The following UBE2E3 variants were observed in gnomAD, a reference collection of about 807,000 sequenced individuals.
UBE2E3 encodes the protein ubiquitin conjugating enzyme E2 E3.
A neutral mutation model predicts 23.6 loss-of-function variants in UBE2E3; 5 were observed. That is an observed-to-expected ratio of 0.21 (90% CI 0.11 to 0.44). UBE2E3 has a LOEUF of 0.44. UBE2E3 is among the 20% of genes least tolerant of loss of function. UBE2E3 has a pLI of 0.99. For synonymous variants in UBE2E3, 78 were observed against 87.5 expected (o/e 0.89, Z 0.60); for missense variants, 81 against 249.8 (o/e 0.32, Z 4.55).
chr2:180,989,996 T>C, intron 3 of UBE2E3: 1 of 1,530,064 alleles, frequency 6.5e-7, no homozygotes, highest in Non-Finnish European at 8.8e-7. Flanking sequence ...TAAAATCACT[T>C]GTAAATCTAG....
intron 3 of UBE2E3, among the ~76,000 whole-genome samples, chr2:181,052,833 T>C (rs1686882204): frequency 2.6e-5 from 4 of 151,802 alleles, no homozygotes; most frequent in Admixed American, 1.3e-4. Context: ...GCCTCTGCTG[T>C]TCCAGGAGTC....
chr2:181,008,931 A>G (rs937752738), intron 3 of UBE2E3, among the ~76,000 whole-genome samples: 1 of 148,394 alleles, frequency 6.7e-6, no homozygotes, highest in African/African-American at 2.5e-5. Context: ...TTATCAGACT[A>G]GGGTATAATT....
rs1000284460 is a variant in UBE2E3, at chr2:180,987,373, C to T, written c.245+3280C>T. 2.6e-6 allele frequency: 4 copies of T among 1,549,908 alleles called. No homozygotes were observed. The African/African-American group carries it at 5.5e-5, about 21-fold the overall frequency. Reference sequence around the variant, plus strand: ...TGTCCTCTCCTAGTCACCACTTGTGCAAACAGCGAAAGTTTAGAAAGGTAC... The same window carrying T: ...TGTCCTCTCCTAGTCACCACTTGTGTAAACAGCGAAAGTTTAGAAAGGTAC... On this transcript the variant is annotated intron_variant, in intron 3 of 5. Coordinates refer to ENST00000410062, the MANE Select transcript of UBE2E3 (RefSeq NM_006357.4).
chr2:181,026,672 T>C (rs930108838), intron 3 of UBE2E3, among the ~76,000 whole-genome samples: 3 of 151,910 alleles, frequency 2.0e-5, no homozygotes, highest in African/African-American at 7.2e-5. Flanking sequence ...GGCCCTTTCG[T>C]GTATGAGATT....
At chr2:180,994,290 A>G (rs1275320307) in intron 3 of UBE2E3, among the ~76,000 whole-genome samples, 1 of 152,150 alleles carries the variant, frequency 6.6e-6, no homozygotes, top group African/African-American at 2.4e-5. Flanking sequence ...ACATATGCAA[A>G]AGTAAACAGG....
intron 3 of UBE2E3, among the ~76,000 whole-genome samples, chr2:181,006,914 T>C (rs1234254835): frequency 1.3e-5 from 2 of 152,188 alleles, no homozygotes; most frequent in Non-Finnish European, 1.5e-5. Flanking sequence ...CAGAGTAAAA[T>C]TACTTTAAAA....
intron 3 of UBE2E3, among the ~76,000 whole-genome samples, chr2:181,035,776 CT>C (rs948025429): frequency 2.0e-5 from 3 of 152,152 alleles, no homozygotes; most frequent in African/African-American, 7.2e-5. Context: ...GTGGACACCC[CT>C]GATATATAGT....
At chr2:181,018,060 C>G (rs1342967991) in intron 3 of UBE2E3, among the ~76,000 whole-genome samples, 1 of 151,904 alleles carries the variant, frequency 6.6e-6, no homozygotes, top group East Asian at 1.9e-4. Flanking sequence ...TAACCTAGCT[C>G]TACATTATGG....
At chr2:181,057,959 A>G (rs1431235005) in intron 4 of UBE2E3, 134 bp downstream of exon 4, 10 of 891,160 alleles carry the variant, frequency 1.1e-5, no homozygotes, top group Non-Finnish European at 1.5e-5. Context: ...AAATTTTCGC[A>G]TAATCAAGAA....
intron 3 of UBE2E3, among the ~76,000 whole-genome samples, chr2:181,030,267 T>A (rs1280235183): frequency 6.6e-6 from 1 of 152,114 alleles, no homozygotes; most frequent in Non-Finnish European, 1.5e-5. Context: ...TTTGCTTTAA[T>A]CTATTAATAT....
chr2:180,989,927 G>A (rs1381989105), intron 3 of UBE2E3: 1 of 1,549,486 alleles, frequency 6.5e-7, no homozygotes, highest in South Asian at 1.2e-5. Context: ...TTCAGATTGA[G>A]AATGAAGAAC....
At chr2:181,016,168 C>G (rs112788525) in intron 3 of UBE2E3, among the ~76,000 whole-genome samples, 41 of 152,078 alleles carry the variant, frequency 2.7e-4, no homozygotes, top group African/African-American at 9.2e-4. Context: ...CCTGAATCTG[C>G]CACTGATTTC....
intron 3 of UBE2E3, among the ~76,000 whole-genome samples, chr2:181,028,001 C>A (rs1685952206): frequency 6.6e-6 from 1 of 151,964 alleles, no homozygotes. Context: ...TTGTCTGTCC[C>A]TATTCAGTCA....
intron 5 of UBE2E3, among the ~76,000 whole-genome samples, chr2:181,061,506 G>A (rs1687149843): frequency 1.1e-5 from 1 of 89,912 alleles, no homozygotes; most frequent in African/African-American, 3.4e-5. Flanking sequence ...TATGCTTTTA[G>A]GCAACTACTT....
At chr2:181,007,243 G>A (rs1196931016) in intron 3 of UBE2E3, among the ~76,000 whole-genome samples, 1 of 152,150 alleles carries the variant, frequency 6.6e-6, no homozygotes, top group East Asian at 1.9e-4. Context: ...TGACCCTGCA[G>A]GTTTTCAGAA....
At chr2:181,052,831 T>C (rs1266947229) in intron 3 of UBE2E3, among the ~76,000 whole-genome samples, 1 of 151,818 alleles carries the variant, frequency 6.6e-6, no homozygotes, top group Non-Finnish European at 1.5e-5. Context: ...CTGCCTCTGC[T>C]GTTCCAGGAG....
intron 3 of UBE2E3, among the ~76,000 whole-genome samples, chr2:181,016,480 T>A (rs1353161348): frequency 2.6e-5 from 4 of 152,122 alleles, no homozygotes; most frequent in African/African-American, 9.7e-5. Flanking sequence ...GTCGTATCAT[T>A]TTCTTAATAT....
chr2:180,987,269 T>A, intron 3 of UBE2E3: 1 of 1,502,390 alleles, frequency 6.7e-7, no homozygotes, highest in Non-Finnish European at 9.0e-7. Context: ...TTTGTATTTA[T>A]TGAGAATTGT....
chr2:181,006,600 A>G (rs935440114), intron 3 of UBE2E3, among the ~76,000 whole-genome samples: 2 of 152,166 alleles, frequency 1.3e-5, no homozygotes, highest in African/African-American at 2.4e-5. Context: ...CTGAAATTCA[A>G]ATTTAACTGA....
Sources: allele counts gnomAD v4.1 joint callset (sites outside exome capture counted in the v4.1 genomes callset), GRCh38; gene constraint gnomAD v4.1.1; transcripts MANE v1.5; gene names NCBI Gene and HGNC (gene_info 2026-07-23, HGNC 2026-07-21).